DNAJC6: variants seen among roughly 807,000 people sequenced by gnomAD.
DNAJC6 encodes the protein auxilin.
Under a neutral mutation model 110.0 loss-of-function variants are expected in DNAJC6, and 34 were observed. The ratio of observed to expected loss-of-function variants is 0.31; its 90% confidence interval spans 0.24 to 0.41. The LOEUF (loss-of-function observed/expected upper bound fraction) is 0.41, where lower values mean the gene tolerates loss of function less well. Ranked by LOEUF, DNAJC6 falls within the 10% of genes least tolerant of loss-of-function variation. DNAJC6 has a pLI of 1.00. For missense variants in DNAJC6, 1,031 were observed against 1,207.8 expected (o/e 0.85, Z 2.17); for synonymous variants, 406 against 437.2 (o/e 0.93, Z 0.89).
intron 1 of DNAJC6, among the ~76,000 whole-genome samples, chr1:65,362,344 A>G (rs1003431829): frequency 6.6e-6 from 1 of 152,204 alleles, no homozygotes; most frequent in Admixed American, 6.5e-5. Context: ...TATATAAGTT[A>G]GCAATTATAG....
intron 4 of DNAJC6, among the ~76,000 whole-genome samples, chr1:65,368,073 A>G (rs1015506519): frequency 2.0e-5 from 3 of 152,330 alleles, no homozygotes; most frequent in South Asian, 2.1e-4. Context: ...CACTATAGAT[A>G]TAAAATAAAT....
chr1:65,264,880 G>A, exon 1 of DNAJC6: 3 of 1,612,698 alleles, frequency 1.9e-6, no homozygotes, highest in Non-Finnish European at 2.5e-6. Flanking sequence ...GGACTTTCCT[G>A]CTCATTTGCA....
rs781660857 is a variant in DNAJC6, at chr1:65,379,471, A to G, written c.613A>G (p.Met205Val). 9.9e-6 allele frequency: 16 copies of G among 1,614,010 alleles called. No homozygotes were observed. The highest frequency in any genetic ancestry group is 1.4e-5 in the Non-Finnish European group (16 of 1,179,986). ...LHNLFAVCRN[M>V]YNWLLQNPKN... Reference sequence around the variant, plus strand: ...CAACCTTTTTGCTGTGTGTCGGAATATGTATAACTGGCTACTGCAGAATCC... The same window carrying G: ...CAACCTTTTTGCTGTGTGTCGGAATGTGTATAACTGGCTACTGCAGAATCC... The change falls in exon 5 of 19, where the codon ATG (methionine) becomes GTG (valine). Residue 205 changes from methionine to valine, a missense_variant. Physicochemically the swap from Met to Val is conservative, Grantham distance 21. Transcript: ENST00000371069.
In DNAJC6 at chr1:65,399,666, C is replaced by A. The variant is rs368560849; in HGVS notation, c.2107+785C>A. Among the ~76,000 whole-genome samples the A allele has an allele frequency of 8.5e-5, 13 of 152,304 alleles. No individual in the cohort carries two copies. In the East Asian group the frequency reaches 2.5e-3, roughly 29 times the overall value. On this transcript the variant is annotated intron_variant, in intron 14 of 18. Transcript: ENST00000371069. ...ACCCACCTCCCCACTGACCTTCTCA[C>A]ATAACTGAAACTCTACACTCACTAA...
In DNAJC6 at chr1:65,412,950, C is replaced by T. The variant is rs148209150; in HGVS notation, c.2838C>T (p.Tyr946=). The part of the protein sequence containing the change: ...DKATGQPYEQ[Y]AKMIFMELND... Reference sequence around the variant, plus strand: ...CTACTGGGCAACCCTATGAACAATACGCAAAGATGATTTTCATGGAGCTCA... The same window carrying T: ...CTACTGGGCAACCCTATGAACAATATGCAAAGATGATTTTCATGGAGCTCA... The change falls in exon 19 of 19, where the codon TAC becomes TAT. Residue 946 remains tyrosine, a synonymous_variant. Coordinates refer to ENST00000371069, the MANE Select transcript of DNAJC6 (RefSeq NM_001256864.2). 3.0e-5 allele frequency: 48 copies of T among 1,613,950 alleles called. 1 individual carries two copies. The South Asian group carries it at 3.5e-4, about 12-fold the overall frequency.
chr1:65,336,821 A>G (rs1645341561), intron 1 of DNAJC6, among the ~76,000 whole-genome samples: 1 of 152,192 alleles, frequency 6.6e-6, no homozygotes, highest in South Asian at 2.1e-4. Context: ...CCAGAATCTT[A>G]ATAGTCCTTA....
chr1:65,291,958 C>T (rs1307299584), intron 1 of DNAJC6, among the ~76,000 whole-genome samples: 4 of 152,104 alleles, frequency 2.6e-5, no homozygotes, highest in Non-Finnish European at 5.9e-5. Context: ...CCCACCTTCA[C>T]TCCCTTTCCT....
intron 1 of DNAJC6, among the ~76,000 whole-genome samples, chr1:65,321,264 A>C (rs1453049928): frequency 6.6e-6 from 1 of 152,188 alleles, no homozygotes; most frequent in Non-Finnish European, 1.5e-5. Flanking sequence ...GCAGTGGTGC[A>C]ATCATAGCTC....
intron 1 of DNAJC6, among the ~76,000 whole-genome samples, chr1:65,357,647 G>A (rs554369043): frequency 2.4e-4 from 37 of 152,312 alleles, no homozygotes; most frequent in African/African-American, 8.7e-4. Flanking sequence ...GTAGAAGGAT[G>A]TTCCTTCCTG....
At position 65,399,261 on chromosome 1, in the gene DNAJC6, A is replaced by T. The variant is rs1363664597; in HGVS notation, c.2107+380A>T. On this transcript the variant is annotated intron_variant, in intron 14 of 18. Transcript: ENST00000371069. ...CCCACATAGTTGTGTAAGTTTAAATAAAAAAAACTTATATAAGAATTTCTG... is the reference window on the plus strand; with the variant it reads ...CCCACATAGTTGTGTAAGTTTAAATTAAAAAAACTTATATAAGAATTTCTG... 3.3e-4 allele frequency among the ~76,000 whole-genome samples: 49 copies of T among 147,934 alleles called. 1 individual carries two copies. The highest frequency in any genetic ancestry group is 3.0e-3 in the Admixed American group (45 of 15,154).
chr1:65,335,259 C>A (rs1645324661), intron 1 of DNAJC6, among the ~76,000 whole-genome samples: 1 of 147,266 alleles, frequency 6.8e-6, no homozygotes, highest in African/African-American at 2.6e-5. Flanking sequence ...AGGCGCACAC[C>A]ACCCACGCCC....
chr1:65,308,569 CA>C (rs1645065950), upstream of DNAJC6, among the ~76,000 whole-genome samples: 1 of 152,150 alleles, frequency 6.6e-6, no homozygotes, highest in African/African-American at 2.4e-5. Context: ...TACACGATGA[CA>C]GATACAAAAT....
intron 1 of DNAJC6, among the ~76,000 whole-genome samples, chr1:65,353,617 A>C (rs1349981761): frequency 6.6e-5 from 10 of 152,198 alleles, no homozygotes; most frequent in Admixed American, 6.5e-4. Flanking sequence ...TTTGGTTTCA[A>C]TGTAGTCATT....
chr1:65,377,079 A>C (rs1040308954), intron 4 of DNAJC6, among the ~76,000 whole-genome samples: 1 of 152,162 alleles, frequency 6.6e-6, no homozygotes, highest in African/African-American at 2.4e-5. Flanking sequence ...TGTGTTTTTG[A>C]ATTTGTACAG....
intron 14 of DNAJC6, among the ~76,000 whole-genome samples, chr1:65,400,681 A>C (rs1221241354): frequency 1.3e-5 from 2 of 152,170 alleles, no homozygotes; most frequent in African/African-American, 2.4e-5. Flanking sequence ...TTATGGCTCA[A>C]TAGTATTCTA....
rs1289438520 is a variant in DNAJC6 at position 65,309,709 on chromosome 1, C to T, written c.-37C>T. 2 of 1,540,988 alleles carry T rather than the reference C, an allele frequency of 1.3e-6. No homozygotes were observed. The highest frequency in any genetic ancestry group is 1.4e-5 in the African/African-American group (1 of 71,544). ...CACCTTCCATCTCCCTTTTCGCTTCCCAGGTTGATTATTTTCTCTTTTCTC... is the reference window on the plus strand; with the variant it reads ...CACCTTCCATCTCCCTTTTCGCTTCTCAGGTTGATTATTTTCTCTTTTCTC... On this transcript the variant is annotated 5_prime_UTR_variant, in exon 1 of 19. Coordinates refer to ENST00000371069, the MANE Select transcript of DNAJC6 (RefSeq NM_001256864.2).
intron 4 of DNAJC6, among the ~76,000 whole-genome samples, chr1:65,371,409 G>T (rs926606587): frequency 3.3e-5 from 5 of 152,044 alleles, no homozygotes; most frequent in African/African-American, 1.2e-4. Context: ...TTATAGGTTT[G>T]TTGTAAGGAA....
intron 15 of DNAJC6, among the ~76,000 whole-genome samples, chr1:65,403,806 T>C (rs2148682): frequency 0.43 from 65,509 of 151,956 alleles, 15,175 homozygotes; most frequent in East Asian, 0.75. Context: ...TCTAGAAGGG[T>C]AGACATCAGA....
chr1:65,374,947 A>G (rs2101579331), intron 4 of DNAJC6, among the ~76,000 whole-genome samples: 1 of 150,438 alleles, frequency 6.6e-6, no homozygotes, highest in Admixed American at 6.6e-5. Context: ...ATTTTGAGGT[A>G]TGTTCCTTCT....
Sources: allele counts gnomAD v4.1 joint callset (sites outside exome capture counted in the v4.1 genomes callset), GRCh38; gene constraint gnomAD v4.1.1; transcripts MANE v1.5; gene names NCBI Gene and HGNC (gene_info 2026-07-23, HGNC 2026-07-21).